CNTN3: variants seen among roughly 807,000 people sequenced by gnomAD.
CNTN3 encodes contactin-3.
In CNTN3, 60 loss-of-function variants were observed where a neutral mutation model predicts 119.1. The ratio of observed to expected loss-of-function variants is 0.50; its 90% CI spans 0.41 to 0.62. CNTN3 has a LOEUF of 0.62. CNTN3 is among the 20% of genes least tolerant of loss of function. CNTN3 has a pLI of 0.00. For missense variants in CNTN3, 1,101 were observed against 1,242.4 expected (o/e 0.89, Z 1.71); for synonymous variants, 450 against 438.7 (o/e 1.03, Z -0.32).
chr3:74,410,263 GACTC>G (rs1701416454), intron 5 of CNTN3, among the ~76,000 whole-genome samples: 1 of 152,070 alleles, frequency 6.6e-6, no homozygotes, highest in South Asian at 2.1e-4. Context: ...GTGAATCTGA[GACTC>G]AGAACCACAG....
rs958874195 is a variant in CNTN3, at chr3:74,561,524, G to C, written c.-80-40332C>G. Reference sequence around the variant, plus strand: ...GCACTTGTTGAAGTCTATCTACAAAGCTCCCTCATGCTGCAGTCTCCCATG... The same window carrying C: ...GCACTTGTTGAAGTCTATCTACAAACCTCCCTCATGCTGCAGTCTCCCATG... On this transcript the variant is annotated intron_variant, in intron 1 of 22. Transcript: ENST00000263665. Among the ~76,000 whole-genome samples, 4 of 152,052 alleles carry C rather than the reference G, an allele frequency of 2.6e-5. No homozygotes were observed. In the South Asian group the frequency reaches 8.3e-4, roughly 32 times the overall value.
intron 4 of CNTN3, among the ~76,000 whole-genome samples, chr3:74,482,762 T>C (rs1702784750): frequency 6.6e-6 from 1 of 152,078 alleles, no homozygotes; most frequent in Non-Finnish European, 1.5e-5. Flanking sequence ...TGAACATCCA[T>C]TTGCCTGCAG....
chr3:74,417,407 T>C (rs757536202), intron 5 of CNTN3, among the ~76,000 whole-genome samples: 2 of 152,202 alleles, frequency 1.3e-5, no homozygotes, highest in Non-Finnish European at 2.9e-5. Context: ...AATATCAATC[T>C]TATTCAAGTG....
At chr3:74,342,682 G>A (rs1007852731) in intron 11 of CNTN3, among the ~76,000 whole-genome samples, 3 of 152,104 alleles carry the variant, frequency 2.0e-5, no homozygotes, top group Admixed American at 1.3e-4. Context: ...GTTGCTAAAC[G>A]CATATTAACA....
intron 5 of CNTN3, among the ~76,000 whole-genome samples, chr3:74,417,261 T>C (rs760325074): frequency 5.1e-4 from 78 of 152,298 alleles, no homozygotes; most frequent in Non-Finnish European, 8.2e-4. Flanking sequence ...AGAATTCCTA[T>C]CTATCTTCCT....
chr3:74,407,032 G>A (rs73112735), intron 5 of CNTN3, among the ~76,000 whole-genome samples: 231 of 152,186 alleles, frequency 1.5e-3, no homozygotes, highest in Non-Finnish European at 2.8e-3. Context: ...TCTCAAAACC[G>A]AGGATGTATA....
At chr3:74,264,579 G>T (rs189512244) in intron 22 of CNTN3, 78 bp from the exon 23 acceptor site, 2 of 869,598 alleles carry the variant, frequency 2.3e-6, no homozygotes, top group Admixed American at 2.4e-5. Flanking sequence ...GGATATTTGT[G>T]GTGTTCCCCC....
At chr3:74,331,282 A>T (rs1703258602) in intron 13 of CNTN3, among the ~76,000 whole-genome samples, 1 of 152,166 alleles carries the variant, frequency 6.6e-6, no homozygotes, top group Non-Finnish European at 1.5e-5. Context: ...AATACTTGCC[A>T]TTCTGTTAAA....
At chr3:74,553,457 G>A (rs1704023170) in intron 1 of CNTN3, among the ~76,000 whole-genome samples, 1 of 152,098 alleles carries the variant, frequency 6.6e-6, no homozygotes, top group Admixed American at 6.5e-5. Flanking sequence ...GCCCAGTAAT[G>A]GGATTGCTAG....
At chr3:74,396,566 G>A (rs1197385050) in intron 5 of CNTN3, among the ~76,000 whole-genome samples, 1 of 140,426 alleles carries the variant, frequency 7.1e-6, no homozygotes, top group African/African-American at 2.5e-5. Flanking sequence ...CTAACACGGT[G>A]AAACACCATC....
At chr3:74,301,319 T>C (rs1208602721) in intron 16 of CNTN3, 79 bp downstream of exon 16, 1 of 1,423,976 alleles carries the variant, frequency 7.0e-7, no homozygotes, top group Non-Finnish European at 9.6e-7. Context: ...GACCCCCTGC[T>C]GGCCTGGAGT....
chr3:74,273,111 C>A (rs2106755091), intron 20 of CNTN3, among the ~76,000 whole-genome samples: 1 of 152,226 alleles, frequency 6.6e-6, no homozygotes. Flanking sequence ...AAAACCCAGA[C>A]TGGACAATTA....
At chr3:74,364,688 T>G in intron 9 of CNTN3, 92 bp from the exon 10 acceptor site, 1 of 1,097,836 alleles carries the variant, frequency 9.1e-7, no homozygotes, top group Non-Finnish European at 1.3e-6. Context: ...ACAGAAACTT[T>G]CTGCATTTTT....
intron 4 of CNTN3, among the ~76,000 whole-genome samples, chr3:74,442,656 A>T (rs1701986389): frequency 6.6e-6 from 1 of 152,188 alleles, no homozygotes; most frequent in Non-Finnish European, 1.5e-5. Context: ...CTAACATACA[A>T]GCCTGTAGGT....
intron 5 of CNTN3, among the ~76,000 whole-genome samples, chr3:74,380,398 T>C (rs1043024790): frequency 1.3e-5 from 2 of 152,242 alleles, no homozygotes; most frequent in Non-Finnish European, 1.5e-5. Flanking sequence ...ATCGCTTATA[T>C]TGAATAGCAA....
intron 1 of CNTN3, 77 bp from the exon 2 acceptor site, chr3:74,521,269 C>T (rs1054251999): frequency 1.7e-5 from 7 of 410,108 alleles, no homozygotes; most frequent in African/African-American, 6.4e-5. Context: ...TTCTTCTTTT[C>T]GTAAAAACTG....
At chr3:74,325,802 G>A (rs1703113149) in intron 13 of CNTN3, among the ~76,000 whole-genome samples, 1 of 152,080 alleles carries the variant, frequency 6.6e-6, no homozygotes, top group Admixed American at 6.6e-5. Context: ...GGTTTCAAAC[G>A]CTGACATTCT....
chr3:74,446,909 A>G (rs773726480), intron 4 of CNTN3, among the ~76,000 whole-genome samples: 8 of 152,110 alleles, frequency 5.3e-5, no homozygotes, highest in Non-Finnish European at 1.2e-4. Flanking sequence ...TTTCTCCCTA[A>G]TATGTTCTGT....
At chr3:74,311,828 G>C (rs1046261230) in intron 13 of CNTN3, among the ~76,000 whole-genome samples, 1 of 152,208 alleles carries the variant, frequency 6.6e-6, no homozygotes, top group African/African-American at 2.4e-5. Context: ...TGAGGTCATA[G>C]GACAAACGGC....
Sources: gnomAD v4.1 joint callset for allele counts (sites outside exome capture counted in the v4.1 genomes callset) on GRCh38, gnomAD v4.1.1 for gene constraint, MANE v1.5 for transcripts, NCBI Gene and HGNC (gene_info 2026-07-23, HGNC 2026-07-21) for gene names.